TMEM117: variants seen among roughly 807,000 people sequenced by gnomAD.
TMEM117 encodes transmembrane protein 117.
A neutral mutation model predicts 52.4 loss-of-function variants in TMEM117; 27 were observed. That is an observed-to-expected ratio of 0.51 (90% CI 0.38 to 0.71). The LOEUF is 0.71. Among genes scored for constraint, TMEM117 ranks in the 30% least tolerant of loss-of-function variants. The pLI is 0.00. For synonymous variants in TMEM117, 215 were observed against 206.3 expected, an observed-to-expected ratio of 1.04 and a Z score of -0.36; for missense variants, 556 against 630.5, an observed-to-expected ratio of 0.88 and a Z score of 1.26.
At chr12:44,290,923 G>C (rs972167087) in intron 5 of TMEM117, among the ~76,000 whole-genome samples, 2 of 152,184 alleles carry the variant, frequency 1.3e-5, no homozygotes, top group Non-Finnish European at 2.9e-5. Flanking sequence ...TTAGGCATGA[G>C]CTACTGTGCC....
At chr12:43,893,498 C>A (rs750530233) in intron 2 of TMEM117, among the ~76,000 whole-genome samples, 2 of 152,036 alleles carry the variant, frequency 1.3e-5, no homozygotes, top group African/African-American at 4.8e-5. Context: ...TCTCAAAATT[C>A]TGCCTTTTTC....
chr12:44,260,388 A>C (rs1022011907), intron 5 of TMEM117, among the ~76,000 whole-genome samples: 1 of 152,202 alleles, frequency 6.6e-6, no homozygotes, highest in African/African-American at 2.4e-5. Context: ...GACTCCTTTC[A>C]TGATGAGAAG....
chr12:44,209,661 T>A (rs1949619600), intron 4 of TMEM117, among the ~76,000 whole-genome samples: 1 of 152,150 alleles, frequency 6.6e-6, no homozygotes, highest in Non-Finnish European at 1.5e-5. Flanking sequence ...CCTACATAAA[T>A]CTGTAGTGTT....
At chr12:43,912,750 A>C (rs973394073) in intron 2 of TMEM117, among the ~76,000 whole-genome samples, 11 of 151,946 alleles carry the variant, frequency 7.2e-5, no homozygotes, top group African/African-American at 2.4e-4. Flanking sequence ...TGTGATTTTC[A>C]ATTAATATAT....
intron 2 of TMEM117, among the ~76,000 whole-genome samples, chr12:43,861,157 G>C (rs1055597635): frequency 6.6e-6 from 1 of 152,220 alleles, no homozygotes; most frequent in African/African-American, 2.4e-5. Flanking sequence ...AGTATTTTCA[G>C]CAGTGGAGGT....
chr12:44,337,236 C>T lies in TMEM117; in HGVS notation c.768+37497C>T, dbSNP rs116661555. On this transcript the variant is annotated intron_variant, in intron 6 of 7. Coordinates refer to ENST00000266534, the MANE Select transcript of TMEM117 (RefSeq NM_032256.3). Reference sequence around the variant, plus strand: ...GGGCTGCTCTCTGCTTCCAAGATGGCATGTTGTTGCTGTATCTTCCAGAGA... The same window carrying T: ...GGGCTGCTCTCTGCTTCCAAGATGGTATGTTGTTGCTGTATCTTCCAGAGA... Among the ~76,000 whole-genome samples, 372 of 152,062 alleles carry T rather than the reference C, an allele frequency of 2.4e-3. 5 individuals carry two copies. The highest frequency in any genetic ancestry group is 8.2e-3 in the African/African-American group (341 of 41,514).
chr12:44,344,146 A>G (rs528483938), intron 6 of TMEM117, among the ~76,000 whole-genome samples: 2 of 152,174 alleles, frequency 1.3e-5, no homozygotes, highest in Non-Finnish European at 2.9e-5. Flanking sequence ...CCAGGGAAAT[A>G]TAGGTAACCT....
intron 6 of TMEM117, among the ~76,000 whole-genome samples, chr12:44,365,449 A>G (rs1951777364): frequency 6.6e-6 from 1 of 151,940 alleles, no homozygotes; most frequent in Non-Finnish European, 1.5e-5. Flanking sequence ...CTGATGGGGG[A>G]AAATGTCATG....
intron 4 of TMEM117, among the ~76,000 whole-genome samples, chr12:44,208,270 A>T (rs897902753): frequency 6.6e-6 from 1 of 152,146 alleles, no homozygotes; most frequent in Non-Finnish European, 1.5e-5. Flanking sequence ...ACAAGCCATG[A>T]TGCGGTGAGT....
At chr12:43,860,706 G>C (rs928415447) in intron 2 of TMEM117, among the ~76,000 whole-genome samples, 1 of 152,164 alleles carries the variant, frequency 6.6e-6, no homozygotes, top group Non-Finnish European at 1.5e-5. Flanking sequence ...ACAGAAAAGA[G>C]AGTAGGAGGA....
At chr12:43,817,172 A>G in the TMEM117 span, among the ~76,000 whole-genome samples, 1 of 152,238 alleles carries the variant, frequency 6.6e-6, no homozygotes, top group Non-Finnish European at 1.5e-5. Flanking sequence ...AGGAAAAGCA[A>G]TTTGGGTACA....
intron 3 of TMEM117, among the ~76,000 whole-genome samples, chr12:44,010,710 G>C (rs957807868): frequency 6.6e-5 from 10 of 152,046 alleles, no homozygotes; most frequent in Non-Finnish European, 1.0e-4. Flanking sequence ...ACATTTATAA[G>C]TAATCCAAGT....
At chr12:44,047,578 C>T (rs76581513) in intron 3 of TMEM117, among the ~76,000 whole-genome samples, 1 of 152,096 alleles carries the variant, frequency 6.6e-6, no homozygotes, top group South Asian at 2.1e-4. Flanking sequence ...TTCACTATTT[C>T]ATAGAAGGTA....
intron 7 of TMEM117, among the ~76,000 whole-genome samples, chr12:44,380,857 A>G (rs1386979927): frequency 6.6e-6 from 1 of 152,156 alleles, no homozygotes; most frequent in Non-Finnish European, 1.5e-5. Flanking sequence ...TGAGTTTTCT[A>G]CTGTTATCTG....
intron 3 of TMEM117, among the ~76,000 whole-genome samples, chr12:43,996,440 A>G (rs1043404825): frequency 6.6e-6 from 1 of 152,082 alleles, no homozygotes; most frequent in Non-Finnish European, 1.5e-5. Context: ...TCAGGAGATC[A>G]AGACCACCCT....
intron 4 of TMEM117, among the ~76,000 whole-genome samples, chr12:44,175,274 T>A (rs969909455): frequency 2.6e-5 from 4 of 152,018 alleles, no homozygotes; most frequent in African/African-American, 9.7e-5. Flanking sequence ...TTGACAGATA[T>A]TTTGGAGGTT....
At chr12:43,878,559 T>C (rs1175973019) in intron 2 of TMEM117, among the ~76,000 whole-genome samples, 2 of 152,186 alleles carry the variant, frequency 1.3e-5, no homozygotes, top group African/African-American at 4.8e-5. Context: ...AAATATAGAA[T>C]AAAATAAGGT....
intron 2 of TMEM117, among the ~76,000 whole-genome samples, chr12:43,904,723 G>A (rs1260087475): frequency 6.6e-6 from 1 of 152,190 alleles, no homozygotes; most frequent in Non-Finnish European, 1.5e-5. Context: ...AGAAAAATCA[G>A]TTATAGAACT....
At chr12:44,165,298 G>A (rs1257903505) in intron 4 of TMEM117, among the ~76,000 whole-genome samples, 1 of 152,108 alleles carries the variant, frequency 6.6e-6, no homozygotes, top group Non-Finnish European at 1.5e-5. Context: ...ATGAGAGAAG[G>A]AAAGGAATAG....
Sources: gnomAD v4.1 joint callset for allele counts (sites outside exome capture counted in the v4.1 genomes callset) on GRCh38, gnomAD v4.1.1 for gene constraint, MANE v1.5 for transcripts, NCBI Gene and HGNC (gene_info 2026-07-23, HGNC 2026-07-21) for gene names.